The following RAP2A variants were observed in gnomAD, a reference collection of about 807,000 sequenced individuals.
The protein encoded by RAP2A is ras-related protein Rap-2a.
In RAP2A, 5 loss-of-function variants were observed where a neutral mutation model predicts 15.1. The observed-to-expected ratio is 0.33, with a 90% CI of 0.17 to 0.70. The LOEUF (loss-of-function observed/expected upper bound fraction) is 0.70. Among genes scored for constraint, RAP2A ranks in the 30% least tolerant of loss-of-function variants. The pLI is 0.68. For synonymous variants in RAP2A, 110 were observed against 99.7 expected (o/e 1.10, Z -0.62); for missense variants, 111 against 240.3 (o/e 0.46, Z 3.56).
At chr13:97,446,318 G>C (rs1304633850) in intron 1 of RAP2A, among the ~76,000 whole-genome samples, 1 of 151,744 alleles carries the variant, frequency 6.6e-6, no homozygotes, top group Non-Finnish European at 1.5e-5. Context: ...ATATATTTTT[G>C]AGATACCTTG....
At chr13:97,436,594 T>C (rs1410888125) in intron 1 of RAP2A, among the ~76,000 whole-genome samples, 23 of 152,224 alleles carry the variant, frequency 1.5e-4, no homozygotes. Context: ...TTGGATAATA[T>C]GGTCCACATA....
At chr13:97,439,662 C>T (rs1013082323) in intron 1 of RAP2A, among the ~76,000 whole-genome samples, 4 of 151,990 alleles carry the variant, frequency 2.6e-5, no homozygotes, top group East Asian at 1.9e-4. Context: ...GGATCATCTG[C>T]GTAGTTCAGA....
intron 1 of RAP2A, among the ~76,000 whole-genome samples, chr13:97,443,289 GA>G (rs1566471922): frequency 6.6e-6 from 1 of 152,116 alleles, no homozygotes; most frequent in Non-Finnish European, 1.5e-5. Flanking sequence ...CTGACCCTTA[GA>G]AATTAATAAT....
At chr13:97,435,169 A>AT (rs2066627476) in intron 1 of RAP2A, among the ~76,000 whole-genome samples, 1 of 152,216 alleles carries the variant, frequency 6.6e-6, no homozygotes, top group South Asian at 2.1e-4. Context: ...TGCCTTGGCA[A>AT]TGTTTGACAG....
intron 1 of RAP2A, among the ~76,000 whole-genome samples, chr13:97,462,020 ATATT>A (rs1387150442): frequency 6.3e-5 from 9 of 143,582 alleles, no homozygotes; most frequent in African/African-American, 1.0e-4. Context: ...ATTTATATAG[ATATT>A]TATATATTTA....
intron 1 of RAP2A, among the ~76,000 whole-genome samples, chr13:97,453,475 A>G (rs2066710868): frequency 6.6e-6 from 1 of 151,416 alleles, no homozygotes; most frequent in African/African-American, 2.4e-5. Context: ...GAAGTCATAC[A>G]GAATGTAACC....
At chr13:97,445,398 A>G (rs368420799) in intron 1 of RAP2A, among the ~76,000 whole-genome samples, 1 of 152,226 alleles carries the variant, frequency 6.6e-6, no homozygotes, top group African/African-American at 2.4e-5. Context: ...ACATGCATAC[A>G]TACATAGATA....
intron 1 of RAP2A, among the ~76,000 whole-genome samples, chr13:97,457,888 T>A (rs768306814): frequency 1.9e-4 from 28 of 151,336 alleles, no homozygotes; most frequent in Non-Finnish European, 3.4e-4. Context: ...GAGGGACCTA[T>A]ATCATGTTGG....
intron 1 of RAP2A, among the ~76,000 whole-genome samples, chr13:97,458,082 A>G (rs2066731183): frequency 6.6e-6 from 1 of 152,176 alleles, no homozygotes; most frequent in Non-Finnish European, 1.5e-5. Context: ...CCACGTCACT[A>G]AAAATGTTCA....
At chr13:97,449,011 T>C (rs2066691124) in intron 1 of RAP2A, among the ~76,000 whole-genome samples, 1 of 152,070 alleles carries the variant, frequency 6.6e-6, no homozygotes, top group South Asian at 2.1e-4. Context: ...CTGTTGCCTC[T>C]CCCACAGTGG....
chr13:97,467,633 T>TTTAATTGTCCCTTAGCC lies in RAP2A; in HGVS notation c.*3192_*3208dup, dbSNP rs2066778008. 1 of 152,550 alleles carries TTTAATTGTCCCTTAGCC rather than the reference T, an allele frequency of 6.6e-6. No homozygotes were observed. Among genetic ancestry groups the TTTAATTGTCCCTTAGCC allele is most frequent in the African/African-American group, 2.4e-5 (1 of 41,416 alleles). 9.4% of individuals were successfully genotyped at this position (152,550 alleles called of 1,614,324 possible). On this transcript the variant is annotated 3_prime_UTR_variant, in exon 2 of 2. Coordinates refer to ENST00000245304, the MANE Select transcript of RAP2A (RefSeq NM_021033.7). ...AGTCTTGTGTTAGCACTGGGTAAGCTTTAATTGTCCCTTAGCCAATCAAAC... is the reference window on the plus strand; with the variant it reads ...AGTCTTGTGTTAGCACTGGGTAAGCTTTAATTGTCCCTTAGCCTTAATTGTCCCTTAGCCAATCAAAC...
chr13:97,467,770 C>T lies in RAP2A; in HGVS notation c.*3328C>T, dbSNP rs951527359. 1.3e-5 allele frequency: 2 copies of T among 152,100 alleles called. No homozygotes were observed. Among genetic ancestry groups the T allele is most frequent in the Non-Finnish European group, 2.9e-5 (2 of 67,952 alleles). The allele number at this position is 152,100 out of a possible 1,614,324, so 9.4% of individuals were successfully genotyped here. A position where few individuals can be genotyped will look rare whatever the true frequency, so the allele number is the denominator to read the frequency against. On this transcript the variant is annotated 3_prime_UTR_variant, in exon 2 of 2. Coordinates refer to ENST00000245304, the MANE Select transcript of RAP2A (RefSeq NM_021033.7). Reference sequence around the variant, plus strand: ...CAGTGGGTTTTGGAAACAGACTTATCATTATTGATTTGAGGTTTCCCAGAG... The same window carrying T: ...CAGTGGGTTTTGGAAACAGACTTATTATTATTGATTTGAGGTTTCCCAGAG...
At chr13:97,446,595 A>C (rs1192196455) in intron 1 of RAP2A, among the ~76,000 whole-genome samples, 1 of 152,204 alleles carries the variant, frequency 6.6e-6, no homozygotes, top group Non-Finnish European at 1.5e-5. Context: ...GTGATAACCA[A>C]GCCAGTTTGG....
At chr13:97,447,189 C>G (rs1293029471) in intron 1 of RAP2A, among the ~76,000 whole-genome samples, 2 of 152,206 alleles carry the variant, frequency 1.3e-5, no homozygotes, top group Non-Finnish European at 2.9e-5. Flanking sequence ...CATTTGACCA[C>G]TCTCACCCAT....
intron 1 of RAP2A, among the ~76,000 whole-genome samples, chr13:97,444,436 AAC>A (rs1364169733): frequency 2.6e-5 from 4 of 152,224 alleles, no homozygotes; most frequent in African/African-American, 9.6e-5. Flanking sequence ...AGATAATTTT[AAC>A]AGTCTTTATG....
chr13:97,439,527 G>A (rs900752624), intron 1 of RAP2A, among the ~76,000 whole-genome samples: 1 of 152,160 alleles, frequency 6.6e-6, no homozygotes, highest in Non-Finnish European at 1.5e-5. Flanking sequence ...GATTATGGAG[G>A]AATAGCTGGG....
At chr13:97,449,488 C>T (rs1174388241) in intron 1 of RAP2A, among the ~76,000 whole-genome samples, 4 of 152,142 alleles carry the variant, frequency 2.6e-5, no homozygotes, top group Admixed American at 6.5e-5. Flanking sequence ...CCTGTTGTTG[C>T]GGCCTCTCAT....
chr13:97,443,019 C>G (rs2066664567), intron 1 of RAP2A, among the ~76,000 whole-genome samples: 1 of 152,092 alleles, frequency 6.6e-6, no homozygotes, highest in Non-Finnish European at 1.5e-5. Context: ...CTTGTGAAAA[C>G]TTAGAACAGA....
intron 1 of RAP2A, among the ~76,000 whole-genome samples, chr13:97,455,803 T>A (rs1566474511): frequency 1.3e-5 from 2 of 151,528 alleles, no homozygotes; most frequent in African/African-American, 2.4e-5. Context: ...TTTTCTCCTC[T>A]CTGGAGGGAT....
Sources: gnomAD v4.1 joint callset for allele counts (sites outside exome capture counted in the v4.1 genomes callset) on GRCh38, gnomAD v4.1.1 for gene constraint, MANE v1.5 for transcripts, NCBI Gene and HGNC (gene_info 2026-07-23, HGNC 2026-07-21) for gene names.